KHDRBS2: variants seen among roughly 807,000 people sequenced by gnomAD.
KHDRBS2 encodes KH domain-containing, RNA-binding, signal transduction-associated protein 2.
A neutral mutation model predicts 44.3 loss-of-function variants in KHDRBS2; 26 were observed. That is an observed-to-expected ratio of 0.59 (90% CI 0.43 to 0.81). The LOEUF (loss-of-function observed/expected upper bound fraction) is 0.81. KHDRBS2 is among the 40% of genes least tolerant of loss of function. The pLI is 0.00. For synonymous variants in KHDRBS2, 194 were observed against 151.1 expected, an observed-to-expected ratio of 1.28 and a Z score of -2.08; for missense variants, 476 against 433.1, an observed-to-expected ratio of 1.10 and a Z score of -0.88.
In KHDRBS2 at chr6:62,283,336, GCCTT is replaced by G. The variant is rs1842055123; in HGVS notation, c.91+2518_91+2521del. Among the ~76,000 whole-genome samples the G allele has an allele frequency of 4.6e-5, 7 of 152,118 alleles. No homozygotes were observed. The South Asian group carries it at 1.5e-3, about 32-fold the overall frequency. On this transcript the variant is annotated intron_variant, in intron 1 of 8. Transcript: ENST00000281156. ...TCCAACTAGTACTTTCAACCCCACAGCCTTCAATTCTACATGAAGCACTGTCAAT... is the reference window on the plus strand; with the variant it reads ...TCCAACTAGTACTTTCAACCCCACAGCAATTCTACATGAAGCACTGTCAAT...
chr6:61,742,560 C>T (rs111522582), intron 6 of KHDRBS2, among the ~76,000 whole-genome samples: 1 of 151,940 alleles, frequency 6.6e-6, no homozygotes, highest in Non-Finnish European at 1.5e-5. Flanking sequence ...AGATGAACTT[C>T]TGATAAAATA....
intron 1 of KHDRBS2, among the ~76,000 whole-genome samples, chr6:62,262,525 T>A (rs1404099078): frequency 1.3e-5 from 2 of 151,774 alleles, no homozygotes; most frequent in African/African-American, 4.8e-5. Context: ...ATAATAAAAG[T>A]AGAAATAAAG....
At chr6:61,656,880 C>A in the KHDRBS2 span, among the ~76,000 whole-genome samples, 13 of 151,894 alleles carry the variant, frequency 8.6e-5, no homozygotes, top group Non-Finnish European at 1.8e-4. Context: ...TTATGCCACC[C>A]AATATGAATT....
At chr6:61,863,393 T>G (rs192912979) in intron 6 of KHDRBS2, among the ~76,000 whole-genome samples, 110 of 152,222 alleles carry the variant, frequency 7.2e-4, no homozygotes, top group Non-Finnish European at 1.3e-3. Context: ...ATTATTAACT[T>G]GAGATATTTC....
chr6:61,790,020 T>C (rs1357055356), intron 6 of KHDRBS2, among the ~76,000 whole-genome samples: 1 of 151,480 alleles, frequency 6.6e-6, no homozygotes, highest in Non-Finnish European at 1.5e-5. Context: ...TTATCTATTA[T>C]TTATGTTGGT....
At chr6:62,284,455 TAAC>T (rs1227704054) in intron 1 of KHDRBS2, among the ~76,000 whole-genome samples, 2 of 152,174 alleles carry the variant, frequency 1.3e-5, no homozygotes, top group East Asian at 3.8e-4. Flanking sequence ...AAACATCTAT[TAAC>T]ACATTATTTT....
At chr6:61,579,992 G>T in the KHDRBS2 span, among the ~76,000 whole-genome samples, 1 of 152,126 alleles carries the variant, frequency 6.6e-6, no homozygotes, top group Non-Finnish European at 1.5e-5. Flanking sequence ...GGGAGGTGGA[G>T]GTTGTGGTGA....
rs1356294190 is a variant in KHDRBS2, at chr6:61,848,507, A to ACG, written c.810+46127_810+46128insCG. ...TATATATATGTATATATATATATAT[A>ACG]TATGTATATATGTATATATATATAC... On this transcript the variant is annotated intron_variant, in intron 6 of 8. Transcript: ENST00000281156. Among the ~76,000 whole-genome samples, 17 of 54,346 alleles carry ACG rather than the reference A, an allele frequency of 3.1e-4. No individual in the cohort carries two copies. In the South Asian group the frequency reaches 3.3e-3, roughly 11 times the overall value. The allele number at this position is 54,346 out of a possible 152,430, so 35.7% of individuals were successfully genotyped here.
chr6:62,023,741 TTA>T (rs1782760618), intron 3 of KHDRBS2, among the ~76,000 whole-genome samples: 1 of 151,412 alleles, frequency 6.6e-6, no homozygotes, highest in Admixed American at 6.6e-5. Context: ...AGTCAGCAAA[TTA>T]TATGTAATAT....
chr6:61,567,867 G>A, the KHDRBS2 span, among the ~76,000 whole-genome samples: 4 of 151,990 alleles, frequency 2.6e-5, no homozygotes, highest in Admixed American at 1.3e-4. Flanking sequence ...CTTTTTGGAT[G>A]TGAGGGTGAT....
intron 6 of KHDRBS2, among the ~76,000 whole-genome samples, chr6:61,864,556 G>T (rs1350634839): frequency 6.6e-6 from 1 of 152,114 alleles, no homozygotes; most frequent in African/African-American, 2.4e-5. Flanking sequence ...ATTTGGAGTT[G>T]AAATTTCTTT....
chr6:61,630,534 A>C, the KHDRBS2 span: 1 of 152,228 alleles, frequency 6.6e-6, no homozygotes, highest in African/African-American at 2.4e-5. Context: ...TGGATTCAGA[A>C]AGGCTGCCTA....
chr6:62,103,616 C>T (rs770420766), intron 2 of KHDRBS2, among the ~76,000 whole-genome samples: 1 of 146,006 alleles, frequency 6.8e-6, no homozygotes, highest in Non-Finnish European at 1.5e-5. Context: ...AGCAGCTGCG[C>T]CCAGGAGCGC....
chr6:61,674,846 G>A, the KHDRBS2 span, among the ~76,000 whole-genome samples: 22 of 151,524 alleles, frequency 1.5e-4, no homozygotes, highest in South Asian at 1.2e-3. Context: ...TACAAACTTC[G>A]GTATTACATG....
intron 6 of KHDRBS2, among the ~76,000 whole-genome samples, chr6:61,853,763 G>T (rs958441892): frequency 6.6e-6 from 1 of 152,176 alleles, no homozygotes; most frequent in Admixed American, 6.5e-5. Flanking sequence ...CAAGGTGGAT[G>T]GTTTTTGGGC....
At chr6:61,657,403 A>T in the KHDRBS2 span, among the ~76,000 whole-genome samples, 1 of 151,956 alleles carries the variant, frequency 6.6e-6, no homozygotes, top group Non-Finnish European at 1.5e-5. Flanking sequence ...AGTATTGTAA[A>T]ATTCCACTGG....
chr6:61,955,170 G>GTGTATATATGTATACATA (rs1554291398), intron 4 of KHDRBS2, among the ~76,000 whole-genome samples: 4 of 142,962 alleles, frequency 2.8e-5, no homozygotes, highest in African/African-American at 1.0e-4. Flanking sequence ...GTATACATAT[G>GTGTATATATGTATACATA]TGTATATACA....
intron 3 of KHDRBS2, among the ~76,000 whole-genome samples, chr6:61,990,567 G>C (rs1291270501): frequency 2.6e-5 from 4 of 152,046 alleles, no homozygotes; most frequent in African/African-American, 9.7e-5. Context: ...AAATCAACTG[G>C]CATTGAACTT....
chr6:61,788,735 C>A (rs896509507), intron 6 of KHDRBS2, among the ~76,000 whole-genome samples: 17 of 150,854 alleles, frequency 1.1e-4, no homozygotes, highest in Non-Finnish European at 1.6e-4. Flanking sequence ...GAATAATTTT[C>A]AATTACAAGT....
Sources: allele counts gnomAD v4.1 joint callset (sites outside exome capture counted in the v4.1 genomes callset), GRCh38; gene constraint gnomAD v4.1.1; transcripts MANE v1.5; gene names NCBI Gene and HGNC (gene_info 2026-07-23, HGNC 2026-07-21).